AMOTL1: variants seen among roughly 807,000 people sequenced by gnomAD.
The protein encoded by AMOTL1 is angiomotin-like protein 1.
AMOTL1 carries 45 observed loss-of-function variants against 102.9 expected under a neutral mutation model. That is an observed-to-expected ratio of 0.44 (90% CI 0.34 to 0.56). AMOTL1 has a LOEUF of 0.56. Among genes scored for constraint, AMOTL1 ranks in the 20% least tolerant of loss-of-function variants. The probability of loss-of-function intolerance (pLI) is 0.01; values close to 1 mark genes in which losing one functional copy is unlikely to be tolerated. For synonymous variants in AMOTL1, 481 were observed against 484.7 expected (o/e 0.99, Z 0.10); for missense variants, 1,114 against 1,225.6 (o/e 0.91, Z 1.36).
In AMOTL1 at chr11:94,795,093, C is replaced by T. The variant is rs368568397; in HGVS notation, c.132C>T (p.Leu44=). 1 of 1,613,862 alleles carries T rather than the reference C, an allele frequency of 6.2e-7. No individual in the cohort carries two copies. The highest frequency in any genetic ancestry group is 2.2e-5 in the East Asian group (1 of 44,866). ...DSTYFSPDFQ[L]YSGRHETSAL... ...CCTACTTTTCCCCAGACTTTCAGCT[C>T]TATTCTGGGAGGCATGAAACATCTG... Residue 44 remains leucine, a synonymous_variant, in exon 2 of 13, where the codon CTC becomes CTT. Coordinates refer to ENST00000433060, the MANE Select transcript of AMOTL1 (RefSeq NM_130847.3).
rs906990038 is a variant in AMOTL1, at chr11:94,707,155, G to A, written c.-51+558G>A. On this transcript the variant is annotated intron_variant, in intron 1 of 4. Coordinates refer to the AMOTL1 transcript ENST00000299004. Reference sequence around the variant, plus strand: ...CTGTGCTGCCGCATGCAGGGCAGAAGTGTACAAACATATCTTAGTGCCTGA... The same window carrying A: ...CTGTGCTGCCGCATGCAGGGCAGAAATGTACAAACATATCTTAGTGCCTGA... 3.9e-5 allele frequency among the ~76,000 whole-genome samples: 6 copies of A among 151,966 alleles called. No homozygotes were observed. In the East Asian group the frequency reaches 1.2e-3, roughly 29 times the overall value.
In AMOTL1 at chr11:94,821,739, T is replaced by C; in HGVS notation, c.1331T>C (p.Met444Thr). 1 of 1,613,852 alleles carries C rather than the reference T, an allele frequency of 6.2e-7. No homozygotes were observed. The highest frequency in any genetic ancestry group is 8.5e-7 in the Non-Finnish European group (1 of 1,179,868). Reference sequence around the variant, plus strand: ...GCGATTGTGGAGCGAGCCCAGCAAATGGTGGAGATATTAACAGAGGAGAAC... The same window carrying C: ...GCGATTGTGGAGCGAGCCCAGCAAACGGTGGAGATATTAACAGAGGAGAAC... ...AFAIVERAQQMVEILTEENRV... is the reference protein window; with the variant it reads ...AFAIVERAQQTVEILTEENRV... Residue 444 changes from methionine to threonine, a missense_variant, in exon 4 of 13, where the codon ATG becomes ACG. By Grantham distance (81) the Met-to-Thr change is moderately conservative. Transcript: ENST00000433060.
chr11:94,788,070 A>C (rs1055016592), intron 1 of AMOTL1, among the ~76,000 whole-genome samples: 2 of 152,154 alleles, frequency 1.3e-5, no homozygotes, highest in African/African-American at 2.4e-5. Context: ...CATTTCCTCA[A>C]GATTCAGTGC....
intron 1 of AMOTL1, among the ~76,000 whole-genome samples, chr11:94,793,998 G>A (rs1005888794): frequency 1.3e-5 from 2 of 152,300 alleles, no homozygotes; most frequent in East Asian, 1.9e-4. Flanking sequence ...TCTTATGGTC[G>A]TTTGGTATCA....
chr11:94,799,281 T>C lies in AMOTL1; in HGVS notation c.200-109T>C. 1.0e-6 allele frequency: 1 copy of C among 966,014 alleles called. No homozygotes were observed. Among genetic ancestry groups the C allele is most frequent in the Non-Finnish European group, 1.5e-6 (1 of 667,154 alleles). The allele number at this position is 966,014 out of a possible 1,614,324, so 59.8% of individuals were successfully genotyped here. A position where few individuals can be genotyped will look rare whatever the true frequency, so the allele number is the denominator to read the frequency against. On this transcript the variant is annotated intron_variant, in intron 2 of 12. Coordinates refer to ENST00000433060, the MANE Select transcript of AMOTL1 (RefSeq NM_130847.3). The surrounding 1 kb of genome is among the most constrained non-coding windows in gnomAD (Gnocchi z 4.5). ...GGAGGTGATGATGCATTTGAAATCT[T>C]ATTTTTAAATGTTGCTGTAGTTAGA...
At chr11:94,865,859 T>C in intron 10 of AMOTL1, 83 bp from the exon 11 acceptor site, 2 of 1,199,022 alleles carry the variant, frequency 1.7e-6, no homozygotes, top group Non-Finnish European at 2.4e-6. Flanking sequence ...ACAATTAAAG[T>C]CTTTGGGACA....
chr11:94,770,870 A>G (rs1950939087), intron 1 of AMOTL1, among the ~76,000 whole-genome samples: 1 of 152,180 alleles, frequency 6.6e-6, no homozygotes, highest in African/African-American at 2.4e-5. Context: ...TGGGCCAGTT[A>G]GTCTAGAGGC....
At chr11:94,790,038 C>T (rs1951256777) in intron 1 of AMOTL1, among the ~76,000 whole-genome samples, 1 of 152,144 alleles carries the variant, frequency 6.6e-6, no homozygotes. Flanking sequence ...GTATTTGCTG[C>T]ATAGGGGAGA....
rs1015104338 is a variant in AMOTL1, at chr11:94,818,989, A to G, written c.1122-2541A>G. On this transcript the variant is annotated intron_variant, in intron 3 of 12. Transcript: ENST00000433060. ...TATCAATTTTCCGGGATTGTTCTTC[A>G]TCTTTTTTGTTTGTTTTTTTCTCTT... Among the ~76,000 whole-genome samples, 20 of 140,748 alleles carry G rather than the reference A, an allele frequency of 1.4e-4. No individual in the cohort carries two copies. In the Middle Eastern group the frequency reaches 0.011, roughly 78 times the overall value. 92.3% of individuals were successfully genotyped at this position (140,748 alleles called of 152,430 possible).
intron 1 of AMOTL1, among the ~76,000 whole-genome samples, chr11:94,791,899 CA>C (rs1285349016): frequency 1.3e-5 from 2 of 152,156 alleles, no homozygotes; most frequent in Non-Finnish European, 2.9e-5. Flanking sequence ...CCAGTGAAGA[CA>C]GTGAATTAAA....
At chr11:94,814,604 A>AATGTTATTG (rs796738370) in intron 3 of AMOTL1, among the ~76,000 whole-genome samples, 13 of 152,284 alleles carry the variant, frequency 8.5e-5, no homozygotes, top group African/African-American at 3.1e-4. Flanking sequence ...TTGCAAAGAT[A>AATGTTATTG]ATGTTATTGA....
At chr11:94,789,374 G>A (rs1367218311) in intron 1 of AMOTL1, among the ~76,000 whole-genome samples, 1 of 152,186 alleles carries the variant, frequency 6.6e-6, no homozygotes, top group Non-Finnish European at 1.5e-5. Context: ...GGCCAGGCTG[G>A]TCTCGAACTC....
intron 2 of AMOTL1, among the ~76,000 whole-genome samples, chr11:94,736,765 C>A (rs1950444318): frequency 6.6e-6 from 1 of 152,152 alleles, no homozygotes; most frequent in Non-Finnish European, 1.5e-5. Flanking sequence ...CCAGCAGAAC[C>A]ATTTCTTTAT....
chr11:94,866,242 C>A (rs538470621), intron 11 of AMOTL1, 74 bp downstream of exon 11: 2 of 1,405,778 alleles, frequency 1.4e-6, no homozygotes, highest in South Asian at 2.5e-5. Flanking sequence ...TCATGGGACA[C>A]GGAAATGTCC....
At chr11:94,855,307 TAAGAAACCCACCTCCGCCTCCC>T (rs1354056922) in intron 8 of AMOTL1, among the ~76,000 whole-genome samples, 1 of 152,188 alleles carries the variant, frequency 6.6e-6, no homozygotes, top group East Asian at 1.9e-4. Context: ...CCCAGAAAAG[TAAGAAACCCACCTCCGCCTCCC>T]ACTGTCTTGG....
chr11:94,870,602 A>G (rs951327324), intron 12 of AMOTL1, 87 bp from the exon 13 acceptor site: 3 of 946,962 alleles, frequency 3.2e-6, no homozygotes, highest in African/African-American at 3.3e-5. Context: ...GTGCAGTGGT[A>G]TCGGACGTGG....
rs184314079 is a variant in AMOTL1, at chr11:94,743,283, T to C, written c.136+2295T>C. ...CCTCTTAAAGTGCTGTGAGGGGCTG[T>C]AAGCCAAAGGAGGCCTATAGCCATT... is the stretch of plus-strand genomic sequence containing the variant. On this transcript the variant is annotated intron_variant, in intron 3 of 4. Coordinates refer to the AMOTL1 transcript ENST00000299004. Among the ~76,000 whole-genome samples the C allele has an allele frequency of 2.4e-4, 37 of 152,350 alleles. No homozygotes were observed. In the East Asian group the frequency reaches 6.2e-3, roughly 25 times the overall value.
At chr11:94,733,939 G>A (rs1392316976) in intron 2 of AMOTL1, among the ~76,000 whole-genome samples, 1 of 152,086 alleles carries the variant, frequency 6.6e-6, no homozygotes, top group Admixed American at 6.6e-5. Flanking sequence ...ATATGATATT[G>A]AGTGAAGATT....
At chr11:94,861,770 G>A (rs117100191) in intron 9 of AMOTL1, among the ~76,000 whole-genome samples, 7 of 152,198 alleles carry the variant, frequency 4.6e-5, no homozygotes, top group Admixed American at 1.3e-4. Context: ...TTGTTTCAGC[G>A]TCTGTGGGTT....
Sources: gnomAD v4.1 joint callset for allele counts (sites outside exome capture counted in the v4.1 genomes callset) on GRCh38, gnomAD v4.1.1 for gene constraint, Gnocchi (gnomAD v3.1) non-coding constraint, MANE v1.5 for transcripts, NCBI Gene and HGNC (gene_info 2026-07-23, HGNC 2026-07-21) for gene names.